ENOX1: variants seen among roughly 807,000 people sequenced by gnomAD.
The protein encoded by ENOX1 is candidate growth-related and time keeping constitutive hydroquinone (NADH) oxidase.
ENOX1 carries 42 observed loss-of-function variants against 82.5 expected under a neutral mutation model. That is an observed-to-expected ratio of 0.51 (90% CI 0.40 to 0.66). The LOEUF (loss-of-function observed/expected upper bound fraction) is 0.66. ENOX1 is among the 30% of genes least tolerant of loss of function. The pLI, the probability that ENOX1 is intolerant of heterozygous loss-of-function variation, is 0.00. For missense variants in ENOX1, 608 were observed against 811.6 expected, an observed-to-expected ratio of 0.75 and a Z score of 3.05; for synonymous variants, 271 against 282.2, an observed-to-expected ratio of 0.96 and a Z score of 0.40.
chr13:43,550,289 G>A (rs796454512), intron 2 of ENOX1, among the ~76,000 whole-genome samples: 1 of 152,156 alleles, frequency 6.6e-6, no homozygotes, highest in African/African-American at 2.4e-5. Flanking sequence ...ATAAAGGGAA[G>A]GTAAACTAAT....
chr13:43,620,556 G>T (rs924964354), intron 2 of ENOX1, among the ~76,000 whole-genome samples: 5 of 152,080 alleles, frequency 3.3e-5, no homozygotes, highest in Non-Finnish European at 1.5e-5. Context: ...GCATGGTTTT[G>T]AAGGTTCCTT....
In ENOX1 at chr13:43,621,792, T is replaced by G. The variant is rs549460626; in HGVS notation, c.-219+45687A>C. Among the ~76,000 whole-genome samples, 23 of 152,292 alleles carry G rather than the reference T, an allele frequency of 1.5e-4. 1 individual carries two copies. The South Asian group carries it at 3.3e-3, about 22-fold the overall frequency. On this transcript the variant is annotated intron_variant, in intron 2 of 16. Coordinates refer to ENST00000690772, the MANE Select transcript of ENOX1 (RefSeq NM_001347969.2). ...TCTTTGTGCTTCTTGTTTTTGGATGTGTAGGTCTCTAGCAAGGCCAGGGAA... is the reference window on the plus strand; with the variant it reads ...TCTTTGTGCTTCTTGTTTTTGGATGGGTAGGTCTCTAGCAAGGCCAGGGAA...
At chr13:43,292,826 C>T (rs536840587) in intron 12 of ENOX1, among the ~76,000 whole-genome samples, 1 of 152,022 alleles carries the variant, frequency 6.6e-6, no homozygotes, top group Non-Finnish European at 1.5e-5. Context: ...TTCATCACCA[C>T]AGCCAACATT....
intron 14 of ENOX1, among the ~76,000 whole-genome samples, chr13:43,259,386 A>G (rs368316997): frequency 6.6e-6 from 1 of 152,202 alleles, no homozygotes; most frequent in African/African-American, 2.4e-5. Context: ...AAGGAGAAAC[A>G]TATGGAGCAG....
At chr13:43,597,749 T>A (rs1177414265) in intron 2 of ENOX1, among the ~76,000 whole-genome samples, 2 of 152,204 alleles carry the variant, frequency 1.3e-5, no homozygotes, top group Non-Finnish European at 2.9e-5. Flanking sequence ...AGTCCTTACA[T>A]CAGCCTGCAG....
At chr13:43,441,862 A>G (rs9533487) in intron 3 of ENOX1, among the ~76,000 whole-genome samples, 53,494 of 151,522 alleles carry the variant, frequency 0.35, 10,744 homozygotes, top group South Asian at 0.47. Context: ...AAGCCATTAG[A>G]AATGTTTTTA....
At chr13:43,239,279 C>G (rs1176924008) in intron 14 of ENOX1, among the ~76,000 whole-genome samples, 1 of 152,172 alleles carries the variant, frequency 6.6e-6, no homozygotes, top group Admixed American at 6.5e-5. Flanking sequence ...GCTCCCACAA[C>G]AGTCCAGCAG....
intron 2 of ENOX1, among the ~76,000 whole-genome samples, chr13:43,636,442 A>T (rs2083417782): frequency 6.6e-6 from 1 of 152,156 alleles, no homozygotes; most frequent in African/African-American, 2.4e-5. Flanking sequence ...TTTGAGCATT[A>T]TCATTAAACC....
intron 1 of ENOX1, among the ~76,000 whole-genome samples, chr13:43,762,465 A>C (rs1951040314): frequency 6.6e-6 from 1 of 152,224 alleles, no homozygotes; most frequent in South Asian, 2.1e-4. Context: ...CTATGAGATA[A>C]AATTTGAATT....
At chr13:43,632,247 A>G (rs563711627) in intron 2 of ENOX1, among the ~76,000 whole-genome samples, 230 of 151,954 alleles carry the variant, frequency 1.5e-3, no homozygotes, top group African/African-American at 5.3e-3. Flanking sequence ...ATTTTTTTTT[A>G]CCATTCAGAA....
intron 14 of ENOX1, among the ~76,000 whole-genome samples, chr13:43,237,118 T>C (rs935238950): frequency 6.6e-6 from 1 of 152,234 alleles, no homozygotes; most frequent in Non-Finnish European, 1.5e-5. Context: ...TGATTTATAA[T>C]ACCATGCTAA....
At chr13:43,575,111 A>G (rs2080360093) in intron 2 of ENOX1, among the ~76,000 whole-genome samples, 1 of 152,232 alleles carries the variant, frequency 6.6e-6, no homozygotes, top group Non-Finnish European at 1.5e-5. Context: ...GAGAAAAGGT[A>G]CAAGTGTCCA....
intron 9 of ENOX1, among the ~76,000 whole-genome samples, chr13:43,342,970 A>G (rs945186906): frequency 6.6e-6 from 1 of 152,182 alleles, no homozygotes; most frequent in African/African-American, 2.4e-5. Flanking sequence ...TCACCTATTC[A>G]TGGCTGCCCT....
chr13:43,370,304 T>C (rs1228196292), intron 5 of ENOX1, among the ~76,000 whole-genome samples: 1 of 152,040 alleles, frequency 6.6e-6, no homozygotes, highest in East Asian at 1.9e-4. Context: ...GAGGCGGAGC[T>C]TGTAGTGAGC....
At chr13:43,224,865 G>C (rs905915480) in intron 15 of ENOX1, among the ~76,000 whole-genome samples, 1 of 152,196 alleles carries the variant, frequency 6.6e-6, no homozygotes. Flanking sequence ...TTGAAGTCAG[G>C]AATGAAGTAA....
chr13:43,379,637 G>T (rs1290968489), intron 5 of ENOX1, among the ~76,000 whole-genome samples: 1 of 151,940 alleles, frequency 6.6e-6, no homozygotes, highest in African/African-American at 2.4e-5. Context: ...GGAGAAAAAA[G>T]ACAACAACAA....
At chr13:43,531,961 T>C (rs991837697) in intron 2 of ENOX1, among the ~76,000 whole-genome samples, 1 of 149,620 alleles carries the variant, frequency 6.7e-6, no homozygotes, top group African/African-American at 2.5e-5. Flanking sequence ...CATTAGGAGA[T>C]ATACCTAATG....
chr13:43,454,235 C>T (rs1343956378), intron 3 of ENOX1, among the ~76,000 whole-genome samples: 2 of 152,086 alleles, frequency 1.3e-5, no homozygotes, highest in Non-Finnish European at 2.9e-5. Context: ...TACCACTCCT[C>T]CTTCCTGCTT....
intron 11 of ENOX1, among the ~76,000 whole-genome samples, chr13:43,307,916 G>A (rs1235655070): frequency 6.6e-6 from 1 of 152,020 alleles, no homozygotes; most frequent in African/African-American, 2.4e-5. Context: ...ACCGGGCCCC[G>A]GGAACAGCCT....
Sources: gnomAD v4.1 joint callset for allele counts (sites outside exome capture counted in the v4.1 genomes callset) on GRCh38, gnomAD v4.1.1 for gene constraint, MANE v1.5 for transcripts, NCBI Gene and HGNC (gene_info 2026-07-23, HGNC 2026-07-21) for gene names.